Variants in FLACC1 observed in about 807,000 individuals in gnomAD.
The protein encoded by FLACC1 is flagellum-associated coiled-coil domain-containing protein 1.
A neutral mutation model predicts 62.8 loss-of-function variants in FLACC1; 66 were observed. The ratio of observed to expected loss-of-function variants is 1.05; its 90% CI spans 0.86 to 1.29. FLACC1 has a LOEUF of 1.29. FLACC1 is among the 50% of genes most tolerant of loss of function. FLACC1 has a pLI of 0.00. For missense variants in FLACC1, 452 were observed against 489.1 expected (o/e 0.92, Z 0.71); for synonymous variants, 156 against 161.0 (o/e 0.97, Z 0.24).
At chr2:201,330,616 C>A (rs927154424) in intron 8 of FLACC1, 94 bp from the exon 9 acceptor site, 12 of 1,524,840 alleles carry the variant, frequency 7.9e-6, no homozygotes, top group Non-Finnish European at 1.1e-5. Flanking sequence ...CTTCCCCACC[C>A]CAAACTCATC....
chr2:201,345,072 A>T (rs1316022613), intron 5 of FLACC1, among the ~76,000 whole-genome samples: 1 of 152,230 alleles, frequency 6.6e-6, no homozygotes, highest in Non-Finnish European at 1.5e-5. Context: ...TTTACCAGGG[A>T]ATACAACAAG....
At chr2:201,332,873 C>T (rs1655493980) in intron 7 of FLACC1, among the ~76,000 whole-genome samples, 1 of 152,144 alleles carries the variant, frequency 6.6e-6, no homozygotes, top group Non-Finnish European at 1.5e-5. Context: ...TCCATGTTGT[C>T]ACAAATGCCA....
intron 7 of FLACC1, among the ~76,000 whole-genome samples, chr2:201,332,844 A>G (rs1189061267): frequency 6.6e-6 from 1 of 152,134 alleles, no homozygotes; most frequent in Non-Finnish European, 1.5e-5. Context: ...TTTATTTAGC[A>G]TAATGCTCTC....
At chr2:201,289,602 A>T (rs764596585) in intron 13 of FLACC1, 36 bp from the exon 14 acceptor site, 1 of 1,613,016 alleles carries the variant, frequency 6.2e-7, no homozygotes, top group Non-Finnish European at 8.5e-7. Context: ...ATCTTCCCCA[A>T]CCCAGAGCCA....
chr2:201,338,682 C>T (rs1317635558), intron 7 of FLACC1, among the ~76,000 whole-genome samples: 2 of 152,034 alleles, frequency 1.3e-5, no homozygotes, highest in Non-Finnish European at 2.9e-5. Flanking sequence ...GATTTTTGTC[C>T]TTCATTCTGT....
At chr2:201,291,307 G>C (rs2125532245) in intron 12 of FLACC1, among the ~76,000 whole-genome samples, 1 of 152,292 alleles carries the variant, frequency 6.6e-6, no homozygotes, top group African/African-American at 2.4e-5. Context: ...TCACACGGCT[G>C]GGTACTCCTC....
chr2:201,349,982 C>T (rs747735363), intron 3 of FLACC1, among the ~76,000 whole-genome samples: 1 of 152,150 alleles, frequency 6.6e-6, no homozygotes, highest in Non-Finnish European at 1.5e-5. Context: ...AAATCAAGGT[C>T]GATTCTGGCA....
intron 7 of FLACC1, among the ~76,000 whole-genome samples, chr2:201,341,247 C>T (rs1950802206): frequency 6.6e-6 from 1 of 151,950 alleles, no homozygotes; most frequent in Admixed American, 6.6e-5. Flanking sequence ...TATCTCTCCA[C>T]CAGGATTTCT....
intron 8 of FLACC1, 28 bp downstream of exon 8, chr2:201,330,708 G>C (rs780700146): frequency 6.2e-7 from 1 of 1,607,876 alleles, no homozygotes; most frequent in East Asian, 2.2e-5. Flanking sequence ...CCTTCATCCA[G>C]GGTCATTCTC....
chr2:201,292,597 C>T (rs1949761788), intron 12 of FLACC1, among the ~76,000 whole-genome samples: 1 of 152,162 alleles, frequency 6.6e-6, no homozygotes, highest in Non-Finnish European at 1.5e-5. Flanking sequence ...ACCATCGAGG[C>T]TAGGAAGAAA....
At chr2:201,295,534 G>A (rs534503510) in intron 12 of FLACC1, among the ~76,000 whole-genome samples, 1 of 152,240 alleles carries the variant, frequency 6.6e-6, no homozygotes. Flanking sequence ...AGACTTAAAT[G>A]TTAGACCTAA....
chr2:201,301,224 A>G (rs1026621534), intron 11 of FLACC1, among the ~76,000 whole-genome samples: 3 of 152,234 alleles, frequency 2.0e-5, no homozygotes, highest in African/African-American at 7.2e-5. Flanking sequence ...AACAGTGTAG[A>G]GAAGTCCTTA....
chr2:201,353,410 T>C (rs1951064388), intron 1 of FLACC1, among the ~76,000 whole-genome samples: 1 of 152,140 alleles, frequency 6.6e-6, no homozygotes, highest in Non-Finnish European at 1.5e-5. Context: ...AAGTATGAGG[T>C]AAATAAAATT....
At position 201,351,311 on chromosome 2, in the gene FLACC1, T is replaced by A. The variant is rs373068360; in HGVS notation, c.94A>T (p.Asn32Tyr). 3.1e-6 allele frequency: 5 copies of A among 1,613,648 alleles called. No individual in the cohort carries two copies. Among genetic ancestry groups the A allele is most frequent in the Non-Finnish European group, 4.2e-6 (5 of 1,179,668 alleles). The change falls in exon 2 of 15, where the codon AAC becomes TAC. Residue 32 changes from asparagine (N) to tyrosine (Y), a missense_variant. This residue lies in a region of FLACC1 where 147 missense variants were observed against 152.7 expected (regional missense o/e 0.96). Transcript: ENST00000392257. Reference sequence around the variant, plus strand: ...TCTTACTTGGAACTCCCTGTGGAGTTCTTGCGTGGTAGTTGAGGGGTCTTG... The same window carrying A: ...TCTTACTTGGAACTCCCTGTGGAGTACTTGCGTGGTAGTTGAGGGGTCTTG... ...LIKTPQLPRK[N>Y]STGSSKLTPL... is the part of the protein sequence containing the mutation.
rs892506327 is a variant in FLACC1, at chr2:201,346,894, G to A, written c.235-219C>T. Among the ~76,000 whole-genome samples the A allele has an allele frequency of 2.0e-5, 3 of 152,156 alleles. No homozygotes were observed. The highest frequency in any genetic ancestry group is 2.1e-4 in the South Asian group (1 of 4,836). ...CTGGGTGTCCCTAGGGGCCTCTCAA[G>A]CTCTGCGCCAAACCAAGCCACTGAT... On this transcript the variant is annotated intron_variant, in intron 4 of 14. Coordinates refer to ENST00000392257, the MANE Select transcript of FLACC1 (RefSeq NM_001127391.3). This position sits in a 1 kb window ranked among gnomAD's most constrained non-coding sequence, Gnocchi z 4.0.
chr2:201,327,351 A>G (rs181168878), intron 9 of FLACC1, among the ~76,000 whole-genome samples: 1 of 152,216 alleles, frequency 6.6e-6, no homozygotes, highest in African/African-American at 2.4e-5. Flanking sequence ...GCTTCTGTAC[A>G]GCAAAAGAAA....
intron 9 of FLACC1, among the ~76,000 whole-genome samples, chr2:201,322,553 A>G (rs1950425807): frequency 6.6e-6 from 1 of 152,204 alleles, no homozygotes; most frequent in African/African-American, 2.4e-5. Context: ...TAAGTGGAAA[A>G]AAGAAATTAA....
At chr2:201,336,106 C>T (rs981951295) in intron 7 of FLACC1, among the ~76,000 whole-genome samples, 1 of 120,806 alleles carries the variant, frequency 8.3e-6, no homozygotes. Context: ...TTTCATTGCT[C>T]AGGTAGTGAG....
chr2:201,330,094 T>A (rs1424514278), intron 9 of FLACC1, among the ~76,000 whole-genome samples: 1 of 152,150 alleles, frequency 6.6e-6, no homozygotes, highest in Non-Finnish European at 1.5e-5. Flanking sequence ...ATAAAGAACA[T>A]ATAAAAAATA....
Sources: gnomAD v4.1 joint callset for allele counts (sites outside exome capture counted in the v4.1 genomes callset) on GRCh38, gnomAD v4.1.1 for gene constraint, gnomAD v4.1.1 regional missense constraint, Gnocchi (gnomAD v3.1) non-coding constraint, MANE v1.5 for transcripts, NCBI Gene and HGNC (gene_info 2026-07-23, HGNC 2026-07-21) for gene names.